CNBD1: variants seen among roughly 807,000 people sequenced by gnomAD.
CNBD1 encodes the protein cyclic nucleotide-binding domain-containing protein 1.
CNBD1 carries 71 observed loss-of-function variants against 54.4 expected under a neutral mutation model. The observed-to-expected ratio is 1.30, with a 90% CI of 1.08 to 1.59. CNBD1 has a LOEUF of 1.59. Ranked by LOEUF, CNBD1 falls within the 40% of genes most tolerant of loss-of-function variation. The probability of loss-of-function intolerance (pLI) is 0.00; values close to 1 mark genes in which losing one functional copy is unlikely to be tolerated. For synonymous variants in CNBD1, 182 were observed against 170.7 expected (o/e 1.07, Z -0.51); for missense variants, 659 against 518.0 (o/e 1.27, Z -2.64).
At chr8:87,232,562 G>A (rs2130822084) in intron 5 of CNBD1, among the ~76,000 whole-genome samples, 1 of 152,148 alleles carries the variant, frequency 6.6e-6, no homozygotes, top group East Asian at 1.9e-4. Flanking sequence ...TGCCTTTTCA[G>A]TAAGTTTAAT....
At chr8:86,991,391 T>C (rs1808743736) in intron 4 of CNBD1, among the ~76,000 whole-genome samples, 1 of 151,738 alleles carries the variant, frequency 6.6e-6, no homozygotes, top group Admixed American at 6.6e-5. Flanking sequence ...ACACTCTCTC[T>C]GTCTCTCTCT....
intron 8 of CNBD1, among the ~76,000 whole-genome samples, chr8:87,345,575 G>A (rs999383249): frequency 6.6e-6 from 1 of 151,934 alleles, no homozygotes; most frequent in African/African-American, 2.4e-5. Context: ...TTTCATTTCA[G>A]GCAATCAATA....
chr8:86,927,910 T>G (rs1809390966), intron 3 of CNBD1, among the ~76,000 whole-genome samples: 1 of 152,090 alleles, frequency 6.6e-6, no homozygotes, highest in African/African-American at 2.4e-5. Flanking sequence ...TGGCTGATTT[T>G]GGGACTCCTG....
At chr8:87,169,815 A>T (rs1396855301) in intron 4 of CNBD1, among the ~76,000 whole-genome samples, 1 of 152,090 alleles carries the variant, frequency 6.6e-6, no homozygotes, top group Non-Finnish European at 1.5e-5. Flanking sequence ...ATAATTCTGT[A>T]GTATAACTTG....
At chr8:86,963,989 G>A (rs1808005559) in intron 4 of CNBD1, among the ~76,000 whole-genome samples, 1 of 152,154 alleles carries the variant, frequency 6.6e-6, no homozygotes, top group Non-Finnish European at 1.5e-5. Flanking sequence ...TTGTGAGCCT[G>A]CAAGTTGGTT....
At chr8:87,344,199 C>A (rs113000405) in intron 8 of CNBD1, among the ~76,000 whole-genome samples, 5 of 151,978 alleles carry the variant, frequency 3.3e-5, no homozygotes, top group African/African-American at 1.2e-4. Context: ...TTCAAATGAA[C>A]TAGTTATTAA....
chr8:87,327,604 G>C (rs558513742), intron 8 of CNBD1, among the ~76,000 whole-genome samples: 2 of 152,306 alleles, frequency 1.3e-5, no homozygotes, highest in African/African-American at 4.8e-5. Context: ...ACTCAGAAAG[G>C]GAACTCCCTG....
At chr8:87,207,147 A>C (rs899610516) in intron 5 of CNBD1, among the ~76,000 whole-genome samples, 1 of 152,172 alleles carries the variant, frequency 6.6e-6, no homozygotes, top group Non-Finnish European at 1.5e-5. Flanking sequence ...TTTGAAAGGG[A>C]ATAAAGGACA....
chr8:87,375,869 T>A, intron 10 of CNBD1, among the ~76,000 whole-genome samples: 1 of 151,936 alleles, frequency 6.6e-6, no homozygotes, highest in East Asian at 1.9e-4. Flanking sequence ...TTCAAGATCC[T>A]ATGTCTGTCT....
intron 4 of CNBD1, among the ~76,000 whole-genome samples, chr8:86,986,559 T>A (rs1253154360): frequency 6.6e-6 from 1 of 152,200 alleles, no homozygotes; most frequent in Non-Finnish European, 1.5e-5. Flanking sequence ...GTAATTGCTT[T>A]TGGGGACTTA....
chr8:87,370,466 T>C (rs1185395846), intron 10 of CNBD1, among the ~76,000 whole-genome samples: 1 of 152,184 alleles, frequency 6.6e-6, no homozygotes, highest in East Asian at 1.9e-4. Context: ...TTTGCATTTC[T>C]CTGATGGCCA....
chr8:87,376,771 A>G (rs753971195), intron 10 of CNBD1, among the ~76,000 whole-genome samples: 1 of 152,006 alleles, frequency 6.6e-6, no homozygotes, highest in African/African-American at 2.4e-5. Context: ...CTTATAAAGC[A>G]TAAGTAACTT....
intron 10 of CNBD1, among the ~76,000 whole-genome samples, chr8:87,374,255 G>A (rs1252627317): frequency 6.6e-6 from 1 of 151,610 alleles, no homozygotes; most frequent in Admixed American, 6.6e-5. Context: ...GTGCAATAGT[G>A]TTTTTCTTGG....
intron 3 of CNBD1, among the ~76,000 whole-genome samples, chr8:86,925,754 A>G (rs957025369): frequency 1.4e-5 from 2 of 147,436 alleles, no homozygotes; most frequent in African/African-American, 5.0e-5. Context: ...AAAAAGAATT[A>G]GCCAGGTGTG....
intron 6 of CNBD1, among the ~76,000 whole-genome samples, chr8:87,275,918 A>T (rs1243225226): frequency 6.6e-6 from 1 of 152,012 alleles, no homozygotes; most frequent in Non-Finnish European, 1.5e-5. Context: ...AAGTATTCTT[A>T]TACACCAATA....
intron 4 of CNBD1, among the ~76,000 whole-genome samples, chr8:87,150,903 A>G (rs935246475): frequency 6.6e-6 from 1 of 152,204 alleles, no homozygotes; most frequent in African/African-American, 2.4e-5. Flanking sequence ...GGAAAAAATT[A>G]CATCTCAAGA....
intron 8 of CNBD1, among the ~76,000 whole-genome samples, chr8:87,324,666 T>C (rs2130903445): frequency 6.6e-6 from 1 of 152,010 alleles, no homozygotes; most frequent in East Asian, 1.9e-4. Flanking sequence ...TTATCATTTT[T>C]TATTGTGTCT....
chr8:87,426,844 C>T (rs1353148366), intron 2 of CNBD1, among the ~76,000 whole-genome samples: 2 of 152,112 alleles, frequency 1.3e-5, no homozygotes, highest in Admixed American at 6.5e-5. Context: ...AGGTACAGTT[C>T]CTTAATTGAT....
intron 2 of CNBD1, among the ~76,000 whole-genome samples, chr8:87,389,908 C>T (rs937094114): frequency 1.3e-5 from 2 of 152,168 alleles, no homozygotes; most frequent in Non-Finnish European, 1.5e-5. Flanking sequence ...AGATATAGAC[C>T]AATGGAACAG....
Sources: allele counts gnomAD v4.1 joint callset (sites outside exome capture counted in the v4.1 genomes callset), GRCh38; gene constraint gnomAD v4.1.1; transcripts MANE v1.5; gene names NCBI Gene and HGNC (gene_info 2026-07-23, HGNC 2026-07-21).